The following CAMTA1 variants were observed in gnomAD, a reference collection of about 807,000 sequenced individuals.
The protein encoded by CAMTA1 is calmodulin-binding transcription activator 1.
A neutral mutation model predicts 170.9 loss-of-function variants in CAMTA1; 27 were observed. The observed-to-expected ratio is 0.16, with a 90% CI of 0.12 to 0.22. The LOEUF is 0.22. Among genes scored for constraint, CAMTA1 ranks in the 10% least tolerant of loss-of-function variants. The pLI is 1.00. For missense variants in CAMTA1, 1,619 were observed against 2,217.2 expected, an observed-to-expected ratio of 0.73 and a Z score of 5.42; for synonymous variants, 833 against 891.5, an observed-to-expected ratio of 0.93 and a Z score of 1.17.
intron 3 of CAMTA1, among the ~76,000 whole-genome samples, chr1:6,924,753 T>C (rs1006304042): frequency 3.3e-5 from 5 of 152,246 alleles, no homozygotes; most frequent in Admixed American, 6.5e-5. Context: ...TGCATCTTAT[T>C]GGAAGCCGGA....
At chr1:7,210,547 T>C (rs1658571678) in intron 4 of CAMTA1, among the ~76,000 whole-genome samples, 2 of 152,194 alleles carry the variant, frequency 1.3e-5, no homozygotes, top group Admixed American at 1.3e-4. Context: ...TCATAATTAA[T>C]TCGCATTTTA....
chr1:7,560,046 G>A (rs1027498613), intron 6 of CAMTA1, among the ~76,000 whole-genome samples: 1 of 152,218 alleles, frequency 6.6e-6, no homozygotes, highest in African/African-American at 2.4e-5. Context: ...GTGACTCTGG[G>A]ACCCCAAGGC....
intron 3 of CAMTA1, among the ~76,000 whole-genome samples, chr1:7,024,177 A>G (rs1390490373): frequency 6.6e-6 from 1 of 152,234 alleles, no homozygotes; most frequent in Non-Finnish European, 1.5e-5. Context: ...TGGGCATCTC[A>G]GAGGAGAAGA....
At chr1:6,935,771 G>T (rs1484584910) in intron 3 of CAMTA1, among the ~76,000 whole-genome samples, 1 of 152,220 alleles carries the variant, frequency 6.6e-6, no homozygotes, top group African/African-American at 2.4e-5. Flanking sequence ...GACAGTGGAT[G>T]CTCATGTTTC....
In CAMTA1 at chr1:7,660,331, T is replaced by C. The variant is rs1290177137; in HGVS notation, c.665-1395T>C. 2.0e-5 allele frequency among the ~76,000 whole-genome samples: 3 copies of C among 152,210 alleles called. No homozygotes were observed. The East Asian group carries it at 5.8e-4, about 29-fold the overall frequency. The stretch of plus-strand genomic sequence containing the variant: ...ATCCGCCCACTTTGGCCTTCCAAAG[T>C]ATTAGGATTATAGGTGTGAGCCACT... On this transcript the variant is annotated intron_variant, in intron 7 of 22. Transcript: ENST00000303635.
chr1:7,199,796 A>G (rs546183545), intron 4 of CAMTA1, among the ~76,000 whole-genome samples: 73 of 152,162 alleles, frequency 4.8e-4, no homozygotes, highest in Non-Finnish European at 8.4e-4. Context: ...TTATTATACA[A>G]TATTCTAGAT....
In CAMTA1 at chr1:7,124,250, G is replaced by A. The variant is rs563173022; in HGVS notation, c.302+32879G>A. Among the ~76,000 whole-genome samples, 43 of 152,230 alleles carry A rather than the reference G, an allele frequency of 2.8e-4. 1 individual carries two copies. The highest frequency in any genetic ancestry group is 1.1e-3 in the Admixed American group (17 of 15,288). ...TGTGCTCTTTTCCCTCTCCTGGGAC[G>A]AATCTCCTCCCTCCCAGACACCTGT... On this transcript the variant is annotated intron_variant, in intron 4 of 22. Transcript: ENST00000303635.
At chr1:6,997,656 C>CTTTTTTTTTTTTTTTT (rs201500847) in intron 3 of CAMTA1, among the ~76,000 whole-genome samples, 9 of 128,408 alleles carry the variant, frequency 7.0e-5, no homozygotes, top group African/African-American at 2.0e-4. Context: ...CCTTTCTTTT[C>CTTTTTTTTTTTTTTTT]TTTCTTTTTT....
At chr1:7,579,117 C>T (rs1235689198) in intron 6 of CAMTA1, among the ~76,000 whole-genome samples, 5 of 152,230 alleles carry the variant, frequency 3.3e-5, no homozygotes, top group African/African-American at 7.2e-5. Context: ...GGGCAACAGA[C>T]GGGCAGTGGC....
intron 5 of CAMTA1, among the ~76,000 whole-genome samples, chr1:7,454,061 G>A (rs558562426): frequency 1.3e-5 from 2 of 152,360 alleles, no homozygotes; most frequent in South Asian, 4.1e-4. Context: ...AGTGGGGAGG[G>A]GATCCCAGAG....
chr1:6,794,136 C>T (rs1015417946), intron 1 of CAMTA1, among the ~76,000 whole-genome samples: 3 of 152,092 alleles, frequency 2.0e-5, no homozygotes, highest in Non-Finnish European at 2.9e-5. Flanking sequence ...CACATGCACA[C>T]GTATAAAGAA....
intron 3 of CAMTA1, among the ~76,000 whole-genome samples, chr1:6,868,047 C>T (rs766728654): frequency 6.6e-6 from 1 of 152,088 alleles, no homozygotes; most frequent in Non-Finnish European, 1.5e-5. Context: ...TCAAGTGATC[C>T]TCCTGCCTTT....
At chr1:7,488,417 A>T (rs2093647268) in intron 6 of CAMTA1, among the ~76,000 whole-genome samples, 3 of 152,100 alleles carry the variant, frequency 2.0e-5, no homozygotes, top group Admixed American at 2.0e-4. Context: ...CCAAGGAGCA[A>T]AGGGACCCTG....
In CAMTA1 at chr1:7,144,554, G is replaced by C. The variant is rs72859212; in HGVS notation, c.302+53183G>C. Among the ~76,000 whole-genome samples the C allele has an allele frequency of 6.6e-6, 1 of 152,064 alleles. No homozygotes were observed. The highest frequency in any genetic ancestry group is 1.5e-5 in the Non-Finnish European group (1 of 68,014). On this transcript the variant is annotated intron_variant, in intron 4 of 22. Transcript: ENST00000303635. The surrounding 1 kb of genome is among the most constrained non-coding windows in gnomAD (Gnocchi z 4.0). ...GCAGGATTAGAAGATTTGCCTTGTC[G>C]GTGTAGTTTGTGGCTTCAGTGTTGT... is the stretch of plus-strand genomic sequence containing the variant.
intron 7 of CAMTA1, among the ~76,000 whole-genome samples, chr1:7,654,541 T>C (rs2095867368): frequency 6.8e-6 from 1 of 147,366 alleles, no homozygotes; most frequent in African/African-American, 2.5e-5. Context: ...CACACCCATC[T>C]ATACACACAC....
intron 11 of CAMTA1, among the ~76,000 whole-genome samples, chr1:7,704,583 G>A (rs1354584133): frequency 1.3e-5 from 2 of 148,610 alleles, no homozygotes; most frequent in East Asian, 3.9e-4. Context: ...GCGGCTCCGC[G>A]CCCCGCACCA....
intron 3 of CAMTA1, among the ~76,000 whole-genome samples, chr1:7,083,506 A>C (rs974334304): frequency 6.6e-6 from 1 of 152,162 alleles, no homozygotes; most frequent in Non-Finnish European, 1.5e-5. Flanking sequence ...GAAGTACATC[A>C]GTGGACAGGG....
chr1:7,480,661 G>C (rs940442605), intron 6 of CAMTA1, among the ~76,000 whole-genome samples: 1 of 152,006 alleles, frequency 6.6e-6, no homozygotes. Context: ...GAGACTTCCC[G>C]GCTATCTCCC....
At chr1:7,072,407 A>G (rs940975156) in intron 3 of CAMTA1, among the ~76,000 whole-genome samples, 2 of 152,154 alleles carry the variant, frequency 1.3e-5, no homozygotes, top group African/African-American at 4.8e-5. Flanking sequence ...CCTTGAACAG[A>G]TTTACTTGCT....
Sources: allele counts gnomAD v4.1 joint callset (sites outside exome capture counted in the v4.1 genomes callset), GRCh38; gene constraint gnomAD v4.1.1; non-coding constraint Gnocchi (gnomAD v3.1); transcripts MANE v1.5; gene names NCBI Gene and HGNC (gene_info 2026-07-23, HGNC 2026-07-21).